EPB41L4B: variants seen among roughly 807,000 people sequenced by gnomAD.
The protein encoded by EPB41L4B is erythrocyte membrane protein band 4.1 like 4B.
A neutral mutation model predicts 112.5 loss-of-function variants in EPB41L4B; 30 were observed. The ratio of observed to expected loss-of-function variants is 0.27; its 90% CI spans 0.20 to 0.36. EPB41L4B has a LOEUF of 0.36. Among genes scored for constraint, EPB41L4B ranks in the 10% least tolerant of loss-of-function variants. The pLI is 1.00. For missense variants in EPB41L4B, 1,024 were observed against 1,133.3 expected, an observed-to-expected ratio of 0.90 and a Z score of 1.38; for synonymous variants, 408 against 439.7, an observed-to-expected ratio of 0.93 and a Z score of 0.90.
intron 16 of EPB41L4B, among the ~76,000 whole-genome samples, chr9:109,215,369 TCC>T (rs1277189928): frequency 1.3e-5 from 2 of 151,626 alleles, no homozygotes; most frequent in Admixed American, 6.6e-5. Context: ...AACCTCCACC[TCC>T]CAGGTTCAAG....
rs150158040 is a variant in EPB41L4B, at chr9:109,257,443, C to T, written c.752+734G>A. On this transcript the variant is annotated intron_variant, in intron 7 of 25. Transcript: ENST00000374566. ...GATTTAGGTATGATGATCACACTTC[C>T]TGAAATGTAACACTGTACAGCACAC... 7.5e-3 allele frequency among the ~76,000 whole-genome samples: 1,149 copies of T among 152,242 alleles called. 16 individuals carry two copies. The highest frequency in any genetic ancestry group is 0.026 in the African/African-American group (1,073 of 41,520).
chr9:109,192,072 C>G (rs1832478237), intron 22 of EPB41L4B, among the ~76,000 whole-genome samples: 1 of 152,176 alleles, frequency 6.6e-6, no homozygotes, highest in Non-Finnish European at 1.5e-5. Context: ...ACCCTCGGAG[C>G]AAAGGAGCAC....
chr9:109,263,280 A>T (rs1436248839), intron 5 of EPB41L4B, among the ~76,000 whole-genome samples, 178 bp from the exon 6 acceptor site: 3 of 152,258 alleles, frequency 2.0e-5, no homozygotes, highest in African/African-American at 4.8e-5. Flanking sequence ...CAAATTTCCC[A>T]AAGTCAATTC....
intron 2 of EPB41L4B, among the ~76,000 whole-genome samples, chr9:109,277,866 C>T (rs539047312): frequency 6.6e-6 from 1 of 152,220 alleles, no homozygotes; most frequent in African/African-American, 2.4e-5. Context: ...GGGAAGTTAT[C>T]CTGGAATGGG....
At chr9:109,274,251 T>C (rs1835731780) in intron 2 of EPB41L4B, among the ~76,000 whole-genome samples, 1 of 152,048 alleles carries the variant, frequency 6.6e-6, no homozygotes, top group South Asian at 2.1e-4. Context: ...TGGCCACATC[T>C]ACCCTCCAGG....
chr9:109,179,931 G>A (rs1831991725), intron 24 of EPB41L4B, among the ~76,000 whole-genome samples: 2 of 151,960 alleles, frequency 1.3e-5, no homozygotes, highest in African/African-American at 4.8e-5. Flanking sequence ...GTGATCACAG[G>A]GATCCCTTCC....
At chr9:109,312,296 T>C (rs1400789334) in intron 1 of EPB41L4B, among the ~76,000 whole-genome samples, 1 of 152,264 alleles carries the variant, frequency 6.6e-6, no homozygotes, top group Non-Finnish European at 1.5e-5. Flanking sequence ...AATTTTAATG[T>C]TGTTCTACTA....
At chr9:109,264,398 C>A (rs1220026927) in intron 5 of EPB41L4B, among the ~76,000 whole-genome samples, 2 of 152,162 alleles carry the variant, frequency 1.3e-5, no homozygotes, top group South Asian at 2.1e-4. Context: ...AGAGCTATGC[C>A]TGTTGAAACC....
intron 15 of EPB41L4B, among the ~76,000 whole-genome samples, chr9:109,218,523 C>T (rs76799091): frequency 0.029 from 4,395 of 152,242 alleles, 199 homozygotes; most frequent in African/African-American, 0.097. Flanking sequence ...ACATTCTACA[C>T]ACAATATCAG....
At chr9:109,226,063 C>T (rs1346908336) in intron 15 of EPB41L4B, among the ~76,000 whole-genome samples, 2 of 152,178 alleles carry the variant, frequency 1.3e-5, no homozygotes, top group Non-Finnish European at 2.9e-5. Flanking sequence ...TTCACCCTTG[C>T]CCCATGAACT....
In EPB41L4B at chr9:109,198,556, C is replaced by T. The variant is rs1437345056; in HGVS notation, c.2045+1680G>A. Reference sequence around the variant, plus strand: ...TCGTCCAGAGATCCCCCTGCAGTTACTCTCTGACCAATGACACATCTGGGC... The same window carrying T: ...TCGTCCAGAGATCCCCCTGCAGTTATTCTCTGACCAATGACACATCTGGGC... On this transcript the variant is annotated intron_variant, in intron 20 of 25. Coordinates refer to ENST00000374566, the MANE Select transcript of EPB41L4B (RefSeq NM_019114.5). Among the ~76,000 whole-genome samples, 9 of 152,316 alleles carry T rather than the reference C, an allele frequency of 5.9e-5. No homozygotes were observed. In the East Asian group the frequency reaches 1.7e-3, roughly 29 times the overall value.
At chr9:109,213,562 A>G in intron 17 of EPB41L4B, 138 bp downstream of exon 17, 1 of 691,400 alleles carries the variant, frequency 1.4e-6, no homozygotes, top group Non-Finnish European at 2.6e-6. Context: ...GACAGCCTGA[A>G]CAGAAATGTC....
chr9:109,248,123 G>C (rs1048473151), intron 13 of EPB41L4B, among the ~76,000 whole-genome samples: 5 of 152,140 alleles, frequency 3.3e-5, no homozygotes, highest in African/African-American at 1.2e-4. Context: ...CCCATTTCAG[G>C]CCTGCCCTGG....
chr9:109,246,870 A>T (rs1470324927), intron 14 of EPB41L4B, among the ~76,000 whole-genome samples: 2 of 152,256 alleles, frequency 1.3e-5, no homozygotes, highest in African/African-American at 4.8e-5. Flanking sequence ...ATCACCTAGC[A>T]CAGTGCTTTA....
chr9:109,182,929 A>G (rs1310824982), intron 23 of EPB41L4B, 132 bp from the exon 24 acceptor site: 2 of 665,582 alleles, frequency 3.0e-6, no homozygotes. Flanking sequence ...TCACTCGTGT[A>G]AGGGCACATA....
At chr9:109,304,326 T>A (rs1438374728) in intron 1 of EPB41L4B, among the ~76,000 whole-genome samples, 1 of 152,102 alleles carries the variant, frequency 6.6e-6, no homozygotes, top group Non-Finnish European at 1.5e-5. Context: ...AGATATACAA[T>A]CCTATACTTG....
chr9:109,202,846 C>T (rs1245141666), intron 19 of EPB41L4B, among the ~76,000 whole-genome samples: 3 of 152,152 alleles, frequency 2.0e-5, no homozygotes, highest in African/African-American at 4.8e-5. Flanking sequence ...TACACTTGTA[C>T]CCCATAAATT....
intron 12 of EPB41L4B, among the ~76,000 whole-genome samples, chr9:109,251,888 G>A (rs1004920906): frequency 4.6e-5 from 7 of 152,236 alleles, no homozygotes; most frequent in Admixed American, 2.6e-4. Flanking sequence ...CTGGACTGAG[G>A]GGCCTCGGGG....
chr9:109,181,099 C>T (rs1292253591), intron 24 of EPB41L4B, among the ~76,000 whole-genome samples: 1 of 152,166 alleles, frequency 6.6e-6, no homozygotes, highest in African/African-American at 2.4e-5. Context: ...GCAGCGTCAG[C>T]CTCCTGGGCT....
Sources: gnomAD v4.1 joint callset for allele counts (sites outside exome capture counted in the v4.1 genomes callset) on GRCh38, gnomAD v4.1.1 for gene constraint, MANE v1.5 for transcripts, NCBI Gene and HGNC (gene_info 2026-07-23, HGNC 2026-07-21) for gene names.